GBF1: variants seen among roughly 807,000 people sequenced by gnomAD.
The protein encoded by GBF1 is Golgi-specific brefeldin A-resistance guanine nucleotide exchange factor 1.
GBF1 carries 114 observed loss-of-function variants against 210.5 expected under a neutral mutation model. That is an observed-to-expected ratio of 0.54 (90% CI 0.47 to 0.63). GBF1 has a LOEUF of 0.63. Ranked by LOEUF, GBF1 falls within the 30% of genes least tolerant of loss-of-function variation. GBF1 has a pLI of 0.00. For synonymous variants in GBF1, 850 were observed against 889.2 expected (o/e 0.96, Z 0.78); for missense variants, 1,851 against 2,357.7 (o/e 0.79, Z 4.45).
intron 5 of GBF1, 146 bp downstream of exon 5, chr10:102,351,520 C>T: frequency 3.2e-6 from 2 of 626,362 alleles, no homozygotes; most frequent in East Asian, 2.7e-5. Context: ...AGCTGGGGTA[C>T]CCAAAGTAAA....
At position 102,379,435 on chromosome 10, in the gene GBF1, G is replaced by GTA; in HGVS notation, c.4645+2_4645+3dup. 1.9e-6 allele frequency: 3 copies of GTA among 1,614,122 alleles called. No individual in the cohort carries two copies. Among genetic ancestry groups the GTA allele is most frequent in the Non-Finnish European group, 2.5e-6 (3 of 1,180,014 alleles). The stretch of plus-strand genomic sequence containing the variant: ...CACTGCTGGTGCCCTTTACTGCAGG[G>GTA]TAAACCAGGAGGGGCAGAGGTAGGG... On this transcript the variant is annotated splice_donor_variant, in intron 34 of 39. Coordinates refer to ENST00000369983, the MANE Select transcript of GBF1 (RefSeq NM_001377137.1). LOFTEE classifies it high-confidence loss of function.
chr10:102,301,597 C>G (rs1217744804), intron 3 of GBF1, among the ~76,000 whole-genome samples: 1 of 151,400 alleles, frequency 6.6e-6, no homozygotes, highest in Admixed American at 6.6e-5. Flanking sequence ...ACGGGGCGGC[C>G]GGGCAGAGAC....
chr10:102,268,656 G>A (rs912064057), intron 3 of GBF1, among the ~76,000 whole-genome samples: 2 of 152,062 alleles, frequency 1.3e-5, no homozygotes, highest in Non-Finnish European at 2.9e-5. Flanking sequence ...CTCAGGACAA[G>A]TGCCAAAAGG....
chr10:102,236,966 G>A, the GBF1 span, among the ~76,000 whole-genome samples: 3 of 152,230 alleles, frequency 2.0e-5, no homozygotes, highest in Non-Finnish European at 2.9e-5. Context: ...TTGCTGAACT[G>A]CAGTGTGCAA....
chr10:102,232,082 G>A, the GBF1 span: 1 of 1,583,588 alleles, frequency 6.3e-7, no homozygotes, highest in Non-Finnish European at 8.6e-7. Context: ...GAACTCCATG[G>A]AGGGAGGGCT....
chr10:102,240,902 G>A (rs1290210787), upstream of GBF1, among the ~76,000 whole-genome samples: 1 of 152,196 alleles, frequency 6.6e-6, no homozygotes, highest in African/African-American at 2.4e-5. Context: ...CTGAGCCTAG[G>A]CCGAGGGGCA....
At chr10:102,351,200 A>T in intron 4 of GBF1, 56 bp from the exon 5 acceptor site, 1 of 986,470 alleles carries the variant, frequency 1.0e-6, no homozygotes, top group Non-Finnish European at 1.6e-6. Flanking sequence ...AGGCTGCCTT[A>T]CCTTTTATCT....
chr10:102,336,255 C>T (rs900399399), intron 3 of GBF1, among the ~76,000 whole-genome samples: 9 of 145,836 alleles, frequency 6.2e-5, no homozygotes, highest in Non-Finnish European at 1.2e-4. Context: ...GAGCCAAGAT[C>T]ACTCCACTGC....
At chr10:102,285,117 A>G (rs1003869252) in intron 3 of GBF1, among the ~76,000 whole-genome samples, 16 of 152,200 alleles carry the variant, frequency 1.1e-4, no homozygotes, top group African/African-American at 3.9e-4. Context: ...TTCTTCCAAA[A>G]TTTCCAATAA....
At chr10:102,360,507 C>CAGTTGGCTAGT (rs2059535390) in intron 12 of GBF1, 112 bp downstream of exon 12, 7 of 711,216 alleles carry the variant, frequency 9.8e-6, no homozygotes, top group Non-Finnish European at 1.7e-5. Flanking sequence ...ATCTCCCTCC[C>CAGTTGGCTAGT]AGTTGGCTAG....
At chr10:102,306,983 G>A (rs1043084289) in intron 3 of GBF1, among the ~76,000 whole-genome samples, 1 of 152,174 alleles carries the variant, frequency 6.6e-6, no homozygotes, top group Non-Finnish European at 1.5e-5. Flanking sequence ...ACCATGGAAA[G>A]CCAGCCAAGA....
At chr10:102,286,468 C>T (rs1188523432) in intron 3 of GBF1, among the ~76,000 whole-genome samples, 1 of 152,162 alleles carries the variant, frequency 6.6e-6, no homozygotes, top group African/African-American at 2.4e-5. Flanking sequence ...CACACAGGAG[C>T]CAAATGGTAT....
rs1234435521 is a variant in GBF1, at chr10:102,245,741, G to A, written c.-51G>A. The A allele has an allele frequency of 3.3e-5, 5 of 152,196 alleles. No homozygotes were observed. The highest frequency in any genetic ancestry group is 7.4e-5 in the Non-Finnish European group (5 of 68,024). 9.4% of individuals were successfully genotyped at this position (152,196 alleles called of 1,614,324 possible). ...GGGCTGGACATGAGCAGCGGCTGCC[G>A]GTCCTGGGACTAGGCCCCGCCATTT... On this transcript the variant is annotated 5_prime_UTR_variant, in exon 1 of 40. Coordinates refer to ENST00000369983, the MANE Select transcript of GBF1 (RefSeq NM_001377137.1).
chr10:102,287,344 C>CTTTTTTTTTT (rs763880492), intron 3 of GBF1, among the ~76,000 whole-genome samples: 29 of 69,522 alleles, frequency 4.2e-4, no homozygotes, highest in African/African-American at 1.6e-3. Context: ...ATTTTATTTT[C>CTTTTTTTTTT]TTTTTTTTTT....
At chr10:102,343,847 G>T (rs564925822) in intron 3 of GBF1, among the ~76,000 whole-genome samples, 1 of 150,318 alleles carries the variant, frequency 6.7e-6, no homozygotes, top group Admixed American at 6.6e-5. Flanking sequence ...CTTTTTTTAA[G>T]ATTCCTAATC....
chr10:102,313,531 C>T (rs1411014662), intron 3 of GBF1, among the ~76,000 whole-genome samples: 1 of 152,188 alleles, frequency 6.6e-6, no homozygotes, highest in Non-Finnish European at 1.5e-5. Context: ...CACTGCCCCA[C>T]ACCCTGGTAG....
rs749977120 is a variant in GBF1, at chr10:102,381,194, C to T, written c.5241C>T (p.Gly1747=). 8.7e-6 allele frequency: 14 copies of T among 1,613,716 alleles called. No homozygotes were observed. The highest frequency in any genetic ancestry group is 4.4e-5 in the South Asian group (4 of 91,072). ...LASAHLTSAA[G]DTRTPGHPPP... ...CAGCCCACCTGACTTCCGCTGCTGG[C>T]GACACTAGGACACCTGGCCATCCAC... Residue 1747 remains glycine, a synonymous_variant, in exon 39 of 40, where the codon GGC becomes GGT. Coordinates refer to ENST00000369983, the MANE Select transcript of GBF1 (RefSeq NM_001377137.1).
In GBF1 at chr10:102,352,514, A is replaced by T; in HGVS notation, c.580A>T (p.Thr194Ser). The stretch of plus-strand genomic sequence containing the variant: ...CGTAGACATGGTGCAGCTGCTCTTC[A>T]CAAGGTAAACCTGCTGCTGTTTGCT... ...TLVDMVQLLF[T>S]RLPQFKEEPK... The change falls in exon 7 of 40, where the codon ACA becomes TCA. Residue 194 changes from threonine to serine, a missense_variant. Around this residue, in one of 3 missense-constraint regions of GBF1, gnomAD observed 804 missense variants for 958.6 expected, o/e 0.84. Transcript: ENST00000369983. The T allele has an allele frequency of 1.2e-6, 2 of 1,608,056 alleles. No homozygotes were observed. The highest frequency in any genetic ancestry group is 1.7e-6 in the Non-Finnish European group (2 of 1,174,514).
chr10:102,363,937 C>T lies in GBF1; in HGVS notation c.2106+139C>T. ...AGGCCAGTCTTTGGGCTTGTTGGGA[C>T]TTCAGCAACTCCCATTTGAAGCCCT... is the stretch of plus-strand genomic sequence containing the variant. On this transcript the variant is annotated intron_variant, in intron 17 of 39. Coordinates refer to ENST00000369983, the MANE Select transcript of GBF1 (RefSeq NM_001377137.1). This position sits in a 1 kb window ranked among gnomAD's most constrained non-coding sequence, Gnocchi z 4.2. The T allele has an allele frequency of 3.3e-6, 2 of 600,120 alleles. No individual in the cohort carries two copies. Among genetic ancestry groups the T allele is most frequent in the Admixed American group, 3.0e-5 (1 of 33,830 alleles). The allele number at this position is 600,120 out of a possible 1,614,324, so 37.2% of individuals were successfully genotyped here.
Sources: gnomAD v4.1 joint callset for allele counts (sites outside exome capture counted in the v4.1 genomes callset) on GRCh38, gnomAD v4.1.1 for gene constraint, gnomAD v4.1.1 regional missense constraint, Gnocchi (gnomAD v3.1) non-coding constraint, MANE v1.5 for transcripts, NCBI Gene and HGNC (gene_info 2026-07-23, HGNC 2026-07-21) for gene names.